TMX4: variants seen among roughly 807,000 people sequenced by gnomAD.
TMX4 encodes thioredoxin-related transmembrane protein 4.
A neutral mutation model predicts 33.3 loss-of-function variants in TMX4; 23 were observed. The ratio of observed to expected loss-of-function variants is 0.69; its 90% confidence interval spans 0.50 to 0.98. The LOEUF is 0.98. Ranked by LOEUF, TMX4 falls within the 50% of genes least tolerant of loss-of-function variation. TMX4 has a pLI of 0.00. For synonymous variants in TMX4, 164 were observed against 161.5 expected, an observed-to-expected ratio of 1.02 and a Z score of -0.12; for missense variants, 399 against 448.9, an observed-to-expected ratio of 0.89 and a Z score of 1.01.
chr20:8,006,374 C>T (rs911607959), intron 2 of TMX4, among the ~76,000 whole-genome samples: 1 of 152,134 alleles, frequency 6.6e-6, no homozygotes, highest in African/African-American at 2.4e-5. Flanking sequence ...ATTATTGTTT[C>T]CCCTCTTTAA....
chr20:7,996,871 C>T (rs919115736), intron 4 of TMX4, among the ~76,000 whole-genome samples: 8 of 152,148 alleles, frequency 5.3e-5, no homozygotes, highest in African/African-American at 1.7e-4. Context: ...GATTACTCTA[C>T]ACATGCTGTT....
At chr20:7,985,260 T>C (rs976888835) in intron 6 of TMX4, among the ~76,000 whole-genome samples, 1 of 108,398 alleles carries the variant, frequency 9.2e-6, no homozygotes, top group Non-Finnish European at 1.7e-5. Flanking sequence ...TGTGTGTGTA[T>C]ATATATATAT....
At position 8,019,564 on chromosome 20, in the gene TMX4, C is replaced by G; in HGVS notation, c.50G>C (p.Trp17Ser). 7.0e-7 allele frequency: 1 copy of G among 1,424,748 alleles called. No homozygotes were observed. The highest frequency in any genetic ancestry group is 9.2e-7 in the Non-Finnish European group (1 of 1,090,010). 88.3% of individuals were successfully genotyped at this position (1,424,748 alleles called of 1,614,324 possible). A position where few individuals can be genotyped will look rare whatever the true frequency, so the allele number is the denominator to read the frequency against. The change falls in exon 1 of 8, where the codon TGG (tryptophan) becomes TCG (serine). Residue 17 changes from tryptophan to serine, a missense_variant. Physicochemically the swap from Trp to Ser is radical, Grantham distance 177 (BLOSUM62 -3). Transcript: ENST00000246024. ...TGCCGTCGCCGCCACAGCCGCGATCCAGGCGGCCAGGAGCGCCGTTAGCTG... is the reference window on the plus strand; with the variant it reads ...TGCCGTCGCCGCCACAGCCGCGATCGAGGCGGCCAGGAGCGCCGTTAGCTG... ...GPQLTALLAAWIAAVAATAGP... is the reference protein window; with the variant it reads ...GPQLTALLAASIAAVAATAGP...
intron 1 of TMX4, among the ~76,000 whole-genome samples, chr20:8,012,346 C>T (rs1189126963): frequency 6.6e-6 from 1 of 152,044 alleles, no homozygotes; most frequent in Admixed American, 6.6e-5. Flanking sequence ...TTAATAGGAG[C>T]AACCATTAAT....
At chr20:8,013,304 A>G (rs1190861689) in intron 1 of TMX4, among the ~76,000 whole-genome samples, 1 of 152,218 alleles carries the variant, frequency 6.6e-6, no homozygotes, top group Middle Eastern at 3.2e-3. Flanking sequence ...TCTCTTACAC[A>G]TAATCCTTAA....
In TMX4 at chr20:7,977,809, C is replaced by A. The variant is rs942841334; in HGVS notation, c.*4442G>T. The A allele has an allele frequency of 1.1e-4, 17 of 152,166 alleles. No homozygotes were observed. The highest frequency in any genetic ancestry group is 4.1e-4 in the African/African-American group (17 of 41,440). The allele number at this position is 152,166 out of a possible 1,614,324, so 9.4% of individuals were successfully genotyped here. A position where few individuals can be genotyped will look rare whatever the true frequency, so the allele number is the denominator to read the frequency against. On this transcript the variant is annotated 3_prime_UTR_variant, in exon 8 of 8. Coordinates refer to ENST00000246024, the MANE Select transcript of TMX4 (RefSeq NM_021156.4). ...ATACGATTAAACCACTTCAGAAACA[C>A]GTCAAAGTTGTACGAGTCACACATA... is the stretch of plus-strand genomic sequence containing the variant.
At position 8,010,273 on chromosome 20, in the gene TMX4, T is replaced by C; in HGVS notation, c.219A>G (p.Glu73=). Reference sequence around the variant, plus strand: ...CACCATTCTTTGCAAAAGCCTCCCATTCTGAATCAGTCTGCTGGCAGGATG... The same window carrying C: ...CACCATTCTTTGCAAAAGCCTCCCACTCTGAATCAGTCTGCTGGCAGGATG... ...WCPSCQQTDS[E]WEAFAKNGEI... The change falls in exon 2 of 8, where the codon GAA becomes GAG. Residue 73 remains glutamate (E), a synonymous_variant. Coordinates refer to ENST00000246024, the MANE Select transcript of TMX4 (RefSeq NM_021156.4). The C allele has an allele frequency of 6.2e-7, 1 of 1,611,966 alleles. No homozygotes were observed. Among genetic ancestry groups the C allele is most frequent in the Non-Finnish European group, 8.5e-7 (1 of 1,178,504 alleles).
Sources: gnomAD v4.1 joint callset for allele counts (sites outside exome capture counted in the v4.1 genomes callset) on GRCh38, gnomAD v4.1.1 for gene constraint, MANE v1.5 for transcripts, NCBI Gene and HGNC (gene_info 2026-07-23, HGNC 2026-07-21) for gene names.